SRPX2: variants seen among roughly 807,000 people sequenced by gnomAD.
The protein encoded by SRPX2 is sushi repeat containing protein X-linked 2, also known as sushi repeat-containing protein SRPX2.
Under a neutral mutation model 45.3 loss-of-function variants are expected in SRPX2, and 26 were observed. The observed-to-expected ratio is 0.57, with a 90% CI of 0.42 to 0.80. SRPX2 has a LOEUF of 0.80. Ranked by LOEUF, SRPX2 falls within the 30% of genes least tolerant of loss-of-function variation. The pLI, the probability that SRPX2 is intolerant of heterozygous loss-of-function variation, is 0.00. For missense variants in SRPX2, 355 were observed against 399.8 expected, an observed-to-expected ratio of 0.89 and a Z score of 0.95; for synonymous variants, 125 against 143.7, an observed-to-expected ratio of 0.87 and a Z score of 0.93.
Position 100,673,000 on chromosome X carries a change from C to A in SRPX2, c.*2013C>A, listed in dbSNP as rs930718921. On this transcript the variant is annotated 3_prime_UTR_variant, in exon 11 of 11. Transcript: ENST00000373004. ...GTTGGAGCAAAAAGGTCCCTTCTCC[C>A]TCTTCCCTCCAGGGAAATATGGGAA... The A allele has an allele frequency of 5.4e-5, 6 of 112,128 alleles. No individual in the cohort carries two copies. Among genetic ancestry groups the A allele is most frequent in the African/African-American group, 1.9e-4 (6 of 30,777 alleles). The allele number at this position is 112,128 out of a possible 1,213,427, so 9.2% of individuals were successfully genotyped here. A position where few individuals can be genotyped will look rare whatever the true frequency, so the allele number is the denominator to read the frequency against.
intron 1 of SRPX2, 103 bp from the exon 2 acceptor site, chrX:100,646,090 A>AGG (rs2083134546): frequency 2.5e-6 from 1 of 405,836 alleles, no homozygotes; most frequent in Non-Finnish European, 4.3e-6. Flanking sequence ...AGGGACCATA[A>AGG]ATAACAAACA....
intron 9 of SRPX2, among the ~76,000 whole-genome samples, chrX:100,667,652 G>A (rs188041899): frequency 3.0e-4 from 34 of 112,625 alleles, no homozygotes; most frequent in Non-Finnish European, 1.9e-4. Flanking sequence ...TGGGAAGGGA[G>A]TGTGGCAAAG....
chrX:100,671,091 G>T lies in SRPX2; in HGVS notation c.*104G>T. ...ATGTTTTCCCACAGTTCTAGGGACA[G>T]GACTCTGAGGTGGGTGAGTTTGACA... On this transcript the variant is annotated 3_prime_UTR_variant, in exon 11 of 11. Coordinates refer to ENST00000373004, the MANE Select transcript of SRPX2 (RefSeq NM_014467.3). 1 of 927,699 alleles carries T rather than the reference G, an allele frequency of 1.1e-6. No individual in the cohort carries two copies. The allele number at this position is 927,699 out of a possible 1,213,427, so 76.5% of individuals were successfully genotyped here. A position where few individuals can be genotyped will look rare whatever the true frequency, so the allele number is the denominator to read the frequency against.
At chrX:100,662,021 T>A (rs771476941) in intron 3 of SRPX2, 155 bp from the exon 4 acceptor site, 1 of 427,569 alleles carries the variant, frequency 2.3e-6, no homozygotes, top group African/African-American at 2.6e-5. Flanking sequence ...TTCCACTTAA[T>A]TGTTTTTGCA....
Position 100,671,260 on chromosome X carries a change from A to G in SRPX2, c.*273A>G. The G allele has an allele frequency of 2.6e-6, 1 of 387,885 alleles. No individual in the cohort carries two copies. Among genetic ancestry groups the G allele is most frequent in the Non-Finnish European group, 4.5e-6 (1 of 220,597 alleles). 32.0% of individuals were successfully genotyped at this position (387,885 alleles called of 1,213,427 possible). ...AACCCGGGCCCCTGCCCAGCTCTCCAAAGTCTTTCAGAAAAGTAAATCCTA... is the reference window on the plus strand; with the variant it reads ...AACCCGGGCCCCTGCCCAGCTCTCCGAAGTCTTTCAGAAAAGTAAATCCTA... On this transcript the variant is annotated 3_prime_UTR_variant, in exon 11 of 11. Transcript: ENST00000373004.
Position 100,673,028 on chromosome X carries a change from G to A in SRPX2, c.*2041G>A, listed in dbSNP as rs1330139729. 1 of 112,512 alleles carries A rather than the reference G, an allele frequency of 8.9e-6. No individual in the cohort carries two copies. Among genetic ancestry groups the A allele is most frequent in the African/African-American group, 3.2e-5 (1 of 30,885 alleles). The allele number at this position is 112,512 out of a possible 1,213,427, so 9.3% of individuals were successfully genotyped here. ...TTCCCTCCAGGGAAATATGGGAACT[G>A]TGAGAGGCAGCAGGCAAGTTATGGG... On this transcript the variant is annotated 3_prime_UTR_variant, in exon 11 of 11. Coordinates refer to ENST00000373004, the MANE Select transcript of SRPX2 (RefSeq NM_014467.3).
intron 10 of SRPX2, among the ~76,000 whole-genome samples, chrX:100,669,693 T>C: frequency 9.1e-6 from 1 of 109,332 alleles, no homozygotes; most frequent in Admixed American, 9.8e-5. Context: ...AAACCCAAAC[T>C]TGACTCAGAT....
At chrX:100,665,445 T>A (rs2083201491) in intron 6 of SRPX2, 76 bp downstream of exon 6, 1 of 1,204,345 alleles carries the variant, frequency 8.3e-7, no homozygotes, top group African/African-American at 1.7e-5. Context: ...ACATTGAAAC[T>A]GCACAGGCTA....
chrX:100,674,132 G>C lies in SRPX2; in HGVS notation c.*3145G>C, dbSNP rs1281000200. The C allele has an allele frequency of 2.7e-5, 3 of 111,557 alleles. No individual in the cohort carries two copies. The highest frequency in any genetic ancestry group is 5.6e-5 in the Non-Finnish European group (3 of 53,156). 9.2% of individuals were successfully genotyped at this position (111,557 alleles called of 1,213,427 possible). On this transcript the variant is annotated 3_prime_UTR_variant, in exon 11 of 11. Coordinates refer to ENST00000373004, the MANE Select transcript of SRPX2 (RefSeq NM_014467.3). ...TCCAGAAAGAAGTGCTTATAGCAGG[G>C]AATGTCTCCCCTCACCTCCTGTATG... is the stretch of plus-strand genomic sequence containing the variant.
chrX:100,659,603 G>T (rs1456611765), intron 3 of SRPX2, among the ~76,000 whole-genome samples: 2 of 111,148 alleles, frequency 1.8e-5, no homozygotes, highest in African/African-American at 6.6e-5. Flanking sequence ...TTTGGAGATG[G>T]TGTCTCCAGA....
intron 3 of SRPX2, chrX:100,660,862 GAAGA>G (rs1419709793): frequency 5.4e-5 from 6 of 110,321 alleles, no homozygotes; most frequent in African/African-American, 2.0e-4. Flanking sequence ...AAAGAAAAGA[GAAGA>G]AAGAAAGACA....
chrX:100,645,962 C>G, intron 1 of SRPX2: 1 of 221,232 alleles, frequency 4.5e-6, no homozygotes, highest in South Asian at 7.1e-5. Context: ...TGGCCTTTTC[C>G]TGGTCTCAGT....
intron 4 of SRPX2, 36 bp from the exon 5 acceptor site, chrX:100,664,738 A>T: frequency 8.5e-7 from 1 of 1,179,313 alleles, no homozygotes; most frequent in Non-Finnish European, 1.1e-6. Context: ...AGATAGTCGC[A>T]CAAGCCACTG....
At chrX:100,668,327 C>CAAAA (rs1267822417) in intron 9 of SRPX2, among the ~76,000 whole-genome samples, 3 of 34,353 alleles carry the variant, frequency 8.7e-5, no homozygotes, top group African/African-American at 3.1e-4. Flanking sequence ...AGCAGTTTTA[C>CAAAA]AAAAAAAAAA....
Position 100,672,408 on chromosome X carries a change from A to G in SRPX2, c.*1421A>G, listed in dbSNP as rs1044253451. ...GAGGCAGAGCTCATAATGCTCAAGC[A>G]CTATGTGCCAGGTGCTGTTCTAAAC... is the stretch of plus-strand genomic sequence containing the variant. On this transcript the variant is annotated 3_prime_UTR_variant, in exon 11 of 11. Transcript: ENST00000373004. 9.8e-5 allele frequency: 11 copies of G among 112,380 alleles called. 1 individual carries two copies. The highest frequency in any genetic ancestry group is 3.6e-4 in the African/African-American group (11 of 30,849). The allele number at this position is 112,380 out of a possible 1,213,427, so 9.3% of individuals were successfully genotyped here. A position where few individuals can be genotyped will look rare whatever the true frequency, so the allele number is the denominator to read the frequency against.
chrX:100,665,980 C>T (rs1387256907), intron 7 of SRPX2, among the ~76,000 whole-genome samples: 2 of 112,171 alleles, frequency 1.8e-5, no homozygotes, highest in African/African-American at 6.5e-5. Context: ...ATCATTCTGT[C>T]GTTCACCTCT....
chrX:100,665,800 T>C (rs1352664907), intron 7 of SRPX2, 143 bp downstream of exon 7: 1 of 934,735 alleles, frequency 1.1e-6, no homozygotes. Flanking sequence ...CAAACAGGCT[T>C]ATTTAGGAAG....
At chrX:100,659,063 C>T (rs905696956) in intron 3 of SRPX2, among the ~76,000 whole-genome samples, 2 of 111,889 alleles carry the variant, frequency 1.8e-5, no homozygotes, top group African/African-American at 6.5e-5. Flanking sequence ...CACCATTTCC[C>T]CTGCTCTACC....
At chrX:100,647,281 T>C (rs56122708) in intron 2 of SRPX2, among the ~76,000 whole-genome samples, 45 of 111,810 alleles carry the variant, frequency 4.0e-4, no homozygotes, top group Non-Finnish European at 7.2e-4. Flanking sequence ...CAGAGATGAG[T>C]AAATAACAAA....
Sources: gnomAD v4.1 joint callset for allele counts (sites outside exome capture counted in the v4.1 genomes callset) on GRCh38, gnomAD v4.1.1 for gene constraint, MANE v1.5 for transcripts, NCBI Gene and HGNC (gene_info 2026-07-23, HGNC 2026-07-21) for gene names.